Variants in PNCK observed in about 807,000 individuals in gnomAD.
PNCK encodes the protein pregnancy up-regulated nonubiquitous CaM kinase, also known as calcium/calmodulin-dependent protein kinase type 1B.
PNCK carries 21 observed loss-of-function variants against 28.3 expected under a neutral mutation model. The ratio of observed to expected loss-of-function variants is 0.74; its 90% confidence interval spans 0.53 to 1.07. The LOEUF is 1.07. Ranked by LOEUF, PNCK falls within the 50% of genes least tolerant of loss-of-function variation. The probability of loss-of-function intolerance (pLI) is 0.00; values close to 1 mark genes in which losing one functional copy is unlikely to be tolerated. For synonymous variants in PNCK, 136 were observed against 125.2 expected (o/e 1.09, Z -0.58); for missense variants, 250 against 298.3 (o/e 0.84, Z 1.19).
chrX:153,683,547 G>A (rs1260914727), intron 1 of PNCK, among the ~76,000 whole-genome samples: 5 of 110,621 alleles, frequency 4.5e-5, no homozygotes, highest in African/African-American at 9.9e-5. Flanking sequence ...GGGTTCAAGC[G>A]ATTTCCGGCT....
At chrX:153,683,891 C>T (rs2091405862) in intron 1 of PNCK, among the ~76,000 whole-genome samples, 3 of 111,467 alleles carry the variant, frequency 2.7e-5, no homozygotes, top group South Asian at 3.8e-4. Flanking sequence ...CCTGCAAAGA[C>T]GTCTCAAAAA....
At chrX:153,670,879 C>A (rs782319909) in intron 9 of PNCK, 39 bp downstream of exon 9, 9 of 1,211,486 alleles carry the variant, frequency 7.4e-6, no homozygotes, top group Non-Finnish European at 1.0e-5. Flanking sequence ...AAATGCAGGC[C>A]CCCTGGCCCT....
intron 1 of PNCK, chrX:153,687,375 C>G: frequency 3.1e-6 from 1 of 326,103 alleles, no homozygotes; most frequent in South Asian, 2.6e-5. Flanking sequence ...TCGAGGCTTG[C>G]TCATCAGCCA....
At chrX:153,670,429 G>A (rs782018044) in intron 11 of PNCK, 21 bp downstream of exon 11, 22 of 1,209,688 alleles carry the variant, frequency 1.8e-5, no homozygotes, top group Non-Finnish European at 2.5e-5. Context: ...TCCTGGGCGT[G>A]CAGGGTCCAC....
At chrX:153,680,080 C>A (rs2091388658) in intron 1 of PNCK, among the ~76,000 whole-genome samples, 1 of 110,187 alleles carries the variant, frequency 9.1e-6, no homozygotes, top group Non-Finnish European at 1.9e-5. Flanking sequence ...AGAAATTACA[C>A]CCTTTGCAAC....
intron 1 of PNCK, among the ~76,000 whole-genome samples, chrX:153,682,873 A>T (rs1557042635): frequency 1.8e-5 from 2 of 112,141 alleles, no homozygotes; most frequent in African/African-American, 6.5e-5. Context: ...TGATAATCCC[A>T]TCACCCTTTG....
rs782223416 is a variant in PNCK, at chrX:153,672,218, C to T, written c.201-18G>A. 3 of 1,189,946 alleles carry T rather than the reference C, an allele frequency of 2.5e-6. No individual in the cohort carries two copies. Among genetic ancestry groups the T allele is most frequent in the South Asian group, 1.9e-5 (1 of 52,699 alleles). On this transcript the variant is annotated intron_variant, in intron 3 of 11. Transcript: ENST00000340888. ...GACTGATCCTGCAATGGCAAGGAAGCGCCTGTGGGCCAACAGAGTCAAGGG... is the reference window on the plus strand; with the variant it reads ...GACTGATCCTGCAATGGCAAGGAAGTGCCTGTGGGCCAACAGAGTCAAGGG...
exon 1 of PNCK, chrX:153,687,561 G>T (rs1557043351): frequency 6.3e-6 from 2 of 318,437 alleles, no homozygotes; most frequent in Non-Finnish European, 1.2e-5. Flanking sequence ...CCAGGAGCGG[G>T]GAGAAAGGGA....
intron 5 of PNCK, 47 bp from the exon 6 acceptor site, chrX:153,671,719 G>A (rs1569538640): frequency 8.6e-7 from 1 of 1,168,218 alleles, no homozygotes; most frequent in African/African-American, 1.8e-5. Flanking sequence ...TCCTGACGCG[G>A]TGCCGGTGCT....
chrX:153,687,282 GC>G (rs1474507864), intron 1 of PNCK: 3 of 264,812 alleles, frequency 1.1e-5, no homozygotes, highest in African/African-American at 8.6e-5. Flanking sequence ...CAAGTCCGAA[GC>G]CCCTACCCAC....
chrX:153,679,059 G>T (rs1557042120), upstream of PNCK, among the ~76,000 whole-genome samples: 1 of 111,272 alleles, frequency 9.0e-6, no homozygotes, highest in Non-Finnish European at 1.9e-5. Flanking sequence ...CATCTTAATT[G>T]CTTCCAGTTT....
At chrX:153,684,331 A>G (rs782817795) in intron 1 of PNCK, among the ~76,000 whole-genome samples, 10 of 112,339 alleles carry the variant, frequency 8.9e-5, no homozygotes, top group African/African-American at 2.6e-4. Flanking sequence ...AAACAAATAA[A>G]ACCAGCCTAA....
upstream of PNCK, among the ~76,000 whole-genome samples, chrX:153,676,864 CAAAAA>C (rs57712456): frequency 1.8e-5 from 1 of 55,098 alleles, no homozygotes; most frequent in African/African-American, 6.1e-5. Flanking sequence ...GACTTCATCT[CAAAAA>C]AAAAAAAAAA....
intron 1 of PNCK, chrX:153,673,471 C>G: frequency 4.3e-6 from 2 of 460,301 alleles, no homozygotes; most frequent in Non-Finnish European, 3.4e-6. Flanking sequence ...TGGCACAGCG[C>G]CCACAGGCAC....
upstream of PNCK, among the ~76,000 whole-genome samples, chrX:153,677,303 G>A (rs782801768): frequency 1.8e-5 from 2 of 111,052 alleles, no homozygotes; most frequent in African/African-American, 3.3e-5. Context: ...AGGTGTGGGC[G>A]TGTCTGTCTC....
At chrX:153,679,341 G>A (rs36123761), upstream of PNCK, among the ~76,000 whole-genome samples, 1 of 108,744 alleles carries the variant, frequency 9.2e-6, no homozygotes, top group African/African-American at 3.4e-5. Context: ...GCCAGCATTA[G>A]GAGTTGTCAG....
In PNCK at chrX:153,670,910, C is replaced by T. The variant is rs782102252; in HGVS notation, c.806+8G>A. 28 of 1,210,903 alleles carry T rather than the reference C, an allele frequency of 2.3e-5. No individual in the cohort carries two copies. Among genetic ancestry groups the T allele is most frequent in the Non-Finnish European group, 3.1e-5 (28 of 895,249 alleles). ...GCCCTGGGGCAGCTCAGCAGGGCTC[C>T]CACTCACCAAAGGTGCCGCAAGGCC... On this transcript the variant is annotated splice_region_variant and intron_variant, in intron 9 of 11. Transcript: ENST00000340888.
At chrX:153,686,225 C>T (rs1470814927) in intron 1 of PNCK, among the ~76,000 whole-genome samples, 2 of 112,082 alleles carry the variant, frequency 1.8e-5, no homozygotes, top group Non-Finnish European at 3.8e-5. Context: ...TCCCTGGCCT[C>T]GGAACCCACC....
chrX:153,673,049 C>A lies in PNCK; in HGVS notation c.28G>T (p.Asp10Tyr). ...CGGATCTCGTAGACGCTGCTGATGT[C>A]CTCCGTGTGTTTCTTCAGCAGCAGC... is the stretch of plus-strand genomic sequence containing the variant. The part of the protein sequence containing the change: MLLLKKHTE[D>Y]ISSVYEIRER... Residue 10 changes from aspartate (D) to tyrosine (Y), a missense_variant, in exon 2 of 12, where the codon GAC (aspartate) becomes TAC (tyrosine). Asp to Tyr is a radical substitution (Grantham distance 160). Coordinates refer to ENST00000340888, the MANE Select transcript of PNCK (RefSeq NM_001366977.1). The A allele has an allele frequency of 2.5e-6, 3 of 1,199,872 alleles. No individual in the cohort carries two copies.
Sources: allele counts gnomAD v4.1 joint callset (sites outside exome capture counted in the v4.1 genomes callset), GRCh38; gene constraint gnomAD v4.1.1; transcripts MANE v1.5; gene names NCBI Gene and HGNC (gene_info 2026-07-23, HGNC 2026-07-21).